Variants in PIAS2 observed in about 807,000 individuals in gnomAD.
The protein encoded by PIAS2 is protein inhibitor of activated STAT 2, also known as E3 SUMO-protein ligase PIAS2.
A neutral mutation model predicts 69.7 loss-of-function variants in PIAS2; 19 were observed. The observed-to-expected ratio is 0.27, with a 90% CI of 0.19 to 0.40. The LOEUF (loss-of-function observed/expected upper bound fraction) is 0.40, where lower values mean the gene tolerates loss of function less well. PIAS2 is among the 10% of genes least tolerant of loss of function. The pLI, the probability that PIAS2 is intolerant of heterozygous loss-of-function variation, is 1.00. For synonymous variants in PIAS2, 261 were observed against 263.2 expected, an observed-to-expected ratio of 0.99 and a Z score of 0.08; for missense variants, 624 against 757.0, an observed-to-expected ratio of 0.82 and a Z score of 2.06.
intron 8 of PIAS2, 51 bp from the exon 9 acceptor site, chr18:46,836,568 C>A: frequency 7.2e-7 from 1 of 1,389,054 alleles, no homozygotes; most frequent in South Asian, 1.3e-5. Context: ...AGAATGAGCT[C>A]AGAGGGAACA....
intron 12 of PIAS2, among the ~76,000 whole-genome samples, chr18:46,820,724 T>A (rs538484872): frequency 2.0e-5 from 3 of 152,252 alleles, no homozygotes; most frequent in Admixed American, 2.0e-4. Context: ...TTCTACTATA[T>A]TTCTTATCAC....
At chr18:46,881,734 G>C (rs1384006826) in intron 2 of PIAS2, among the ~76,000 whole-genome samples, 1 of 152,148 alleles carries the variant, frequency 6.6e-6, no homozygotes, top group East Asian at 1.9e-4. Context: ...TTTCGAATGT[G>C]AACATTACCT....
At chr18:46,813,608 T>TA (rs2041202912) in intron 13 of PIAS2, among the ~76,000 whole-genome samples, 1 of 152,206 alleles carries the variant, frequency 6.6e-6, no homozygotes, top group South Asian at 2.1e-4. Flanking sequence ...TTATGCAGCT[T>TA]ATCATTAGAG....
intron 2 of PIAS2, among the ~76,000 whole-genome samples, chr18:46,866,952 G>A (rs1183991402): frequency 1.3e-5 from 2 of 152,168 alleles, no homozygotes; most frequent in East Asian, 1.9e-4. Flanking sequence ...TGAATGACTG[G>A]AGACAACCTA....
chr18:46,918,838 C>A (rs879590538), upstream of PIAS2, among the ~76,000 whole-genome samples: 3 of 152,096 alleles, frequency 2.0e-5, no homozygotes, highest in Non-Finnish European at 4.4e-5. Context: ...GTGTCACTTC[C>A]TCAGGAAGAC....
chr18:46,916,046 T>C (rs919071391), intron 1 of PIAS2, among the ~76,000 whole-genome samples: 2 of 152,202 alleles, frequency 1.3e-5, no homozygotes, highest in Admixed American at 1.3e-4. Flanking sequence ...TTACCTACAC[T>C]TATGGTTCTC....
At chr18:46,911,495 C>T (rs1277239688) in intron 1 of PIAS2, among the ~76,000 whole-genome samples, 1 of 152,082 alleles carries the variant, frequency 6.6e-6, no homozygotes. Flanking sequence ...GGCTTACAGA[C>T]GTGAGCCACT....
intron 2 of PIAS2, among the ~76,000 whole-genome samples, chr18:46,866,516 A>G (rs1340045339): frequency 2.0e-5 from 3 of 152,244 alleles, no homozygotes; most frequent in African/African-American, 7.2e-5. Context: ...GAAATGTAAA[A>G]CAAAATCACC....
chr18:46,832,890 T>TC (rs2043873479), intron 9 of PIAS2, among the ~76,000 whole-genome samples: 1 of 70,300 alleles, frequency 1.4e-5, no homozygotes, highest in Admixed American at 1.5e-4. Flanking sequence ...AGCCTCTGTC[T>TC]CCAAAAAAAA....
At position 46,812,475 on chromosome 18, in the gene PIAS2, G is replaced by A. The variant is rs757251312; in HGVS notation, c.1824C>T (p.Thr608=). The A allele has an allele frequency of 8.7e-6, 14 of 1,612,764 alleles. No homozygotes were observed. The South Asian group carries it at 1.2e-4, about 14-fold the overall frequency. ...SSSRSETGVI[T]SSGSNIPDII... is the part of the protein sequence containing the mutation. ...TGTCAGGAATGTTACTTCCACTGCT[G>A]GTTATGACCCCTGTCTCACTCCTGC... Residue 608 remains threonine, a synonymous_variant, in exon 14 of 14, where the codon ACC becomes ACT. Coordinates refer to ENST00000585916, the MANE Select transcript of PIAS2 (RefSeq NM_004671.5).
chr18:46,877,970 C>A (rs866882362), intron 2 of PIAS2, among the ~76,000 whole-genome samples: 1 of 152,136 alleles, frequency 6.6e-6, no homozygotes, highest in Non-Finnish European at 1.5e-5. Context: ...TGAATTTTGG[C>A]ATAATCTTAT....
chr18:46,908,562 A>G (rs2146265619), intron 1 of PIAS2, among the ~76,000 whole-genome samples: 1 of 152,286 alleles, frequency 6.6e-6, no homozygotes, highest in East Asian at 1.9e-4. Flanking sequence ...CAAAAACAAA[A>G]AACAAAAAAA....
intron 2 of PIAS2, among the ~76,000 whole-genome samples, chr18:46,873,380 A>G (rs2050665703): frequency 6.6e-6 from 1 of 152,178 alleles, no homozygotes; most frequent in Admixed American, 6.5e-5. Flanking sequence ...AGGCTGATTT[A>G]AGAGAGACCC....
rs547845599 is a variant in PIAS2, at chr18:46,815,178, C to G, written c.1686+134G>C. On this transcript the variant is annotated intron_variant, in intron 13 of 13. Coordinates refer to ENST00000585916, the MANE Select transcript of PIAS2 (RefSeq NM_004671.5). Reference sequence around the variant, plus strand: ...TTCAAATAAAATTGTGAAATATTTGCACAGTACTTCCTTTCCATCAATGTA... The same window carrying G: ...TTCAAATAAAATTGTGAAATATTTGGACAGTACTTCCTTTCCATCAATGTA... 7.8e-4 allele frequency: 506 copies of G among 649,144 alleles called. 2 individuals are homozygous for G. In the South Asian group the frequency reaches 8.7e-3, roughly 11 times the overall value. 40.2% of individuals were successfully genotyped at this position (649,144 alleles called of 1,614,324 possible).
At chr18:46,843,102 A>G (rs1226340865) in intron 8 of PIAS2, among the ~76,000 whole-genome samples, 2 of 152,228 alleles carry the variant, frequency 1.3e-5, no homozygotes, top group African/African-American at 4.8e-5. Flanking sequence ...TCCTTGTTCT[A>G]CCAATAACTG....
chr18:46,813,206 C>T (rs1378895430), intron 13 of PIAS2, among the ~76,000 whole-genome samples: 1 of 152,098 alleles, frequency 6.6e-6, no homozygotes, highest in Non-Finnish European at 1.5e-5. Flanking sequence ...TCACAGGATC[C>T]TCAGGACAGA....
chr18:46,873,855 G>A (rs2050745732), intron 2 of PIAS2, among the ~76,000 whole-genome samples: 1 of 152,038 alleles, frequency 6.6e-6, no homozygotes, highest in South Asian at 2.1e-4. Flanking sequence ...CCTCTGAAAC[G>A]CCCGTTTTTC....
intron 8 of PIAS2, among the ~76,000 whole-genome samples, chr18:46,843,404 T>C (rs578159555): frequency 5.9e-5 from 9 of 152,358 alleles, no homozygotes; most frequent in Non-Finnish European, 1.0e-4. Context: ...ATTCATTCAC[T>C]GCTCCTGACC....
rs778232281 is a variant in PIAS2, at chr18:46,803,522, T to C, written c.*8911A>G. The C allele has an allele frequency of 4.6e-5, 7 of 152,178 alleles. No homozygotes were observed. Among genetic ancestry groups the C allele is most frequent in the Non-Finnish European group, 1.0e-4 (7 of 68,032 alleles). The allele number at this position is 152,178 out of a possible 1,614,324, so 9.4% of individuals were successfully genotyped here. On this transcript the variant is annotated 3_prime_UTR_variant, in exon 14 of 14. Transcript: ENST00000585916. ...CTCTGGATGAGTTCATCCACTTTCA[T>C]AGTTTCAGTGCTACTACCCATCAAT... is the stretch of plus-strand genomic sequence containing the variant.
Sources: allele counts gnomAD v4.1 joint callset (sites outside exome capture counted in the v4.1 genomes callset), GRCh38; gene constraint gnomAD v4.1.1; transcripts MANE v1.5; gene names NCBI Gene and HGNC (gene_info 2026-07-23, HGNC 2026-07-21).